Variants in BZW2 observed in about 807,000 individuals in gnomAD.
BZW2 encodes eIF5-mimic protein 1.
A neutral mutation model predicts 53.2 loss-of-function variants in BZW2; 23 were observed. That is an observed-to-expected ratio of 0.43 (90% confidence interval 0.31 to 0.61). BZW2 has a LOEUF of 0.61. BZW2 is among the 20% of genes least tolerant of loss of function. The pLI is 0.09. For synonymous variants in BZW2, 227 were observed against 186.4 expected (o/e 1.22, Z -1.77); for missense variants, 409 against 503.1 (o/e 0.81, Z 1.79).
chr7:16,693,840 G>A (rs1031254712), intron 7 of BZW2, among the ~76,000 whole-genome samples: 2 of 152,096 alleles, frequency 1.3e-5, no homozygotes, highest in African/African-American at 2.4e-5. Flanking sequence ...ACTCAACAGG[G>A]GAAATTAATA....
At chr7:16,674,318 CCTAT>C in intron 2 of BZW2, 90 bp from the exon 3 acceptor site, 3 of 889,478 alleles carry the variant, frequency 3.4e-6, no homozygotes, top group Non-Finnish European at 4.7e-6. Context: ...ATTTTTTTTT[CCTAT>C]CTTAGATAAA....
At chr7:16,667,143 G>A (rs535495914) in intron 2 of BZW2, among the ~76,000 whole-genome samples, 25 of 152,034 alleles carry the variant, frequency 1.6e-4, no homozygotes, top group Admixed American at 2.6e-4. Context: ...TTAGCCAGGC[G>A]TGGTGGCGCA....
intron 1 of BZW2, among the ~76,000 whole-genome samples, chr7:16,664,942 T>C (rs544188041): frequency 7.2e-5 from 11 of 152,350 alleles, no homozygotes; most frequent in African/African-American, 2.6e-4. Flanking sequence ...GTTTTTCCTA[T>C]GTCCTTTGCC....
At chr7:16,703,159 A>G (rs1205657292) in intron 10 of BZW2, among the ~76,000 whole-genome samples, 2 of 152,206 alleles carry the variant, frequency 1.3e-5, no homozygotes, top group African/African-American at 2.4e-5. Flanking sequence ...AGAGCTGGAA[A>G]CAAAGAGCTA....
rs11976739 is a variant in BZW2, at chr7:16,658,775, T to G, written c.-7-6662T>G. Among the ~76,000 whole-genome samples the G allele has an allele frequency of 2.2e-3, 331 of 152,002 alleles. 1 individual carries two copies. The highest frequency in any genetic ancestry group is 7.3e-3 in the African/African-American group (304 of 41,438). On this transcript the variant is annotated intron_variant, in intron 1 of 11. Transcript: ENST00000258761. ...CTGTAATCCCAGCTACTTGGGAGGC[T>G]GAGGCAGGAGAATCACTTGAACCCA...
chr7:16,658,010 T>TA (rs1387387390), intron 1 of BZW2, among the ~76,000 whole-genome samples: 1 of 152,184 alleles, frequency 6.6e-6, no homozygotes, highest in African/African-American at 2.4e-5. Context: ...GGGTAGTGTA[T>TA]ATGTGTTTGT....
intron 10 of BZW2, among the ~76,000 whole-genome samples, chr7:16,698,813 T>G (rs34498661): frequency 2.0e-3 from 310 of 152,326 alleles, no homozygotes; most frequent in Non-Finnish European, 3.5e-3. Flanking sequence ...GGCTATTTTT[T>G]GGGCCTACAT....
intron 8 of BZW2, 133 bp downstream of exon 8, chr7:16,695,137 A>G (rs1783439010): frequency 1.3e-6 from 1 of 799,564 alleles, no homozygotes; most frequent in South Asian, 5.4e-5. Context: ...TATTCCTACC[A>G]TTTAAATTAA....
intron 11 of BZW2, 65 bp from the exon 12 acceptor site, chr7:16,705,995 A>G: frequency 1.3e-6 from 2 of 1,584,626 alleles, no homozygotes; most frequent in Non-Finnish European, 1.7e-6. Flanking sequence ...TGGTGACTGT[A>G]GTAACTTTTG....
Position 16,682,986 on chromosome 7 carries a change from A to C in BZW2, c.405+141A>C. ...GCCGAGACGGGTGGGTCACAAGGTC[A>C]GGAGTTTAAGACCAGCCTGGCCAAG... On this transcript the variant is annotated intron_variant, in intron 5 of 11. Transcript: ENST00000258761. 7.5e-6 allele frequency: 3 copies of C among 400,156 alleles called. No individual in the cohort carries two copies. In the South Asian group the frequency reaches 1.2e-4, roughly 16 times the overall value. The allele number at this position is 400,156 out of a possible 1,614,324, so 24.8% of individuals were successfully genotyped here.
rs558273496 is a variant in BZW2, at chr7:16,676,661, C to G, written c.235+2073C>G. Among the ~76,000 whole-genome samples, 14 of 152,250 alleles carry G rather than the reference C, an allele frequency of 9.2e-5. No individual in the cohort carries two copies. The South Asian group carries it at 2.9e-3, about 32-fold the overall frequency. ...AGGGATGAGTATTTTCATTTTAAAA[C>G]TTTAATAGTGGAGTTGAATATTTCC... On this transcript the variant is annotated intron_variant, in intron 3 of 11. Coordinates refer to ENST00000258761, the MANE Select transcript of BZW2 (RefSeq NM_014038.3).
chr7:16,676,062 CAG>C (rs1265793466), intron 3 of BZW2, among the ~76,000 whole-genome samples: 3 of 152,080 alleles, frequency 2.0e-5, no homozygotes, highest in Admixed American at 6.5e-5. Flanking sequence ...ACCTGGGTGA[CAG>C]AGCGAGATTC....
At chr7:16,695,300 A>G (rs1439432141) in intron 8 of BZW2, among the ~76,000 whole-genome samples, 2 of 152,260 alleles carry the variant, frequency 1.3e-5, no homozygotes, top group Non-Finnish European at 2.9e-5. Context: ...TTGACCATCC[A>G]CTATCAGTAT....
rs764774580 is a variant in BZW2 at position 16,706,039 on chromosome 7, C to T, written c.1232-21C>T. 36 of 1,613,604 alleles carry T rather than the reference C, an allele frequency of 2.2e-5. No individual in the cohort carries two copies. The South Asian group carries it at 3.7e-4, about 17-fold the overall frequency. ...TAGAGGAATCTGGGAGGAAATATCT[C>T]ACTTCTTTCTTCTCTCCTAGAATCC... On this transcript the variant is annotated intron_variant, in intron 11 of 11. Transcript: ENST00000258761.
chr7:16,659,796 C>T (rs1209046948), intron 1 of BZW2, among the ~76,000 whole-genome samples: 2 of 151,392 alleles, frequency 1.3e-5, no homozygotes, highest in African/African-American at 4.8e-5. Flanking sequence ...CTTTATGAAA[C>T]GTTTTATACT....
At chr7:16,698,360 C>A (rs1165753352) in intron 10 of BZW2, 174 bp downstream of exon 10, 3 of 841,364 alleles carry the variant, frequency 3.6e-6, no homozygotes, top group East Asian at 2.6e-5. Flanking sequence ...AGGAGGCATA[C>A]ACGCCATATA....
chr7:16,702,432 T>C (rs1166578952), intron 10 of BZW2, among the ~76,000 whole-genome samples: 1 of 152,212 alleles, frequency 6.6e-6, no homozygotes, highest in African/African-American at 2.4e-5. Flanking sequence ...CGTTAATATG[T>C]AGACTTATTT....
chr7:16,691,306 A>G (rs1423266674), intron 7 of BZW2, among the ~76,000 whole-genome samples: 1 of 152,332 alleles, frequency 6.6e-6, no homozygotes, highest in East Asian at 1.9e-4. Context: ...TAGTGGACTT[A>G]GGGCAAATCC....
intron 2 of BZW2, among the ~76,000 whole-genome samples, chr7:16,667,456 C>G (rs902045069): frequency 1.3e-5 from 2 of 152,202 alleles, no homozygotes; most frequent in South Asian, 2.1e-4. Flanking sequence ...ATGTAATGAT[C>G]TTGCAGGACT....
Sources: gnomAD v4.1 joint callset for allele counts (sites outside exome capture counted in the v4.1 genomes callset) on GRCh38, gnomAD v4.1.1 for gene constraint, MANE v1.5 for transcripts, NCBI Gene and HGNC (gene_info 2026-07-23, HGNC 2026-07-21) for gene names.